Variants in INSRR observed in about 807,000 individuals in gnomAD.
The protein encoded by INSRR is insulin receptor related receptor.
INSRR carries 114 observed loss-of-function variants against 130.0 expected under a neutral mutation model. That is an observed-to-expected ratio of 0.88 (90% confidence interval 0.75 to 1.02). The LOEUF is 1.02. Ranked by LOEUF, INSRR falls within the 50% of genes least tolerant of loss-of-function variation. The pLI is 0.00. For missense variants in INSRR, 1,657 were observed against 1,735.2 expected (o/e 0.95, Z 0.80); for synonymous variants, 674 against 705.2 (o/e 0.96, Z 0.70).
Position 156,841,069 on chromosome 1 carries a change from G to C in INSRR, c.3698C>G (p.Pro1233Arg). Residue 1233 changes from proline (P) to arginine (R), a missense_variant, in exon 22 of 22, where the codon CCA becomes CGA. Pro to Arg is a moderately radical substitution (Grantham distance 103). Coordinates refer to ENST00000368195, the MANE Select transcript of INSRR (RefSeq NM_014215.3). The part of the protein sequence containing the change: ...ELMSRCWQPN[P>R]RLRPSFTHIL... The stretch of plus-strand genomic sequence containing the variant: ...GTGTGTGAAAGATGGGCGCAGGCGT[G>C]GGTTCGGCTGCCAGCAGCGGCTCAT... 1.9e-6 allele frequency: 3 copies of C among 1,573,158 alleles called. No homozygotes were observed. Among genetic ancestry groups the C allele is most frequent in the Non-Finnish European group, 2.6e-6 (3 of 1,158,902 alleles).
chr1:156,851,043 C>T (rs116448046), intron 5 of INSRR: 385 of 540,050 alleles, frequency 7.1e-4, no homozygotes, highest in African/African-American at 6.6e-3. Flanking sequence ...GTGTTCCAGG[C>T]ATTGTTTTAT....
chr1:156,852,066 G>A lies in INSRR; in HGVS notation c.763C>T (p.Gln255Ter). 1 of 1,613,652 alleles carries A rather than the reference G, an allele frequency of 6.2e-7. No individual in the cohort carries two copies. Reference protein sequence around the residue: ...ACVACRHLYFQGACLWACPPG... With the variant: ...ACVACRHLYF ...GGGCAGGCCCACAGGCAGGCACCCT[G>A]GAAGTAGAGGTGGCGGCAAGCTACA... Residue 255 changes from glutamine (Q) to a stop codon, truncating the protein, a stop_gained, in exon 3 of 22, where the codon CAG becomes TAG. Transcript: ENST00000368195. LOFTEE classifies it high-confidence loss of function.
In INSRR at chr1:156,841,596, G is replaced by A. The variant is rs1190474302; in HGVS notation, c.3528-68C>T. ...TACTCAGTGCATTCCAAGGGATGGGGGTGTTCCAGGCCCCTCCCCAGATCC... is the reference window on the plus strand; with the variant it reads ...TACTCAGTGCATTCCAAGGGATGGGAGTGTTCCAGGCCCCTCCCCAGATCC... On this transcript the variant is annotated intron_variant, in intron 20 of 21. Coordinates refer to ENST00000368195, the MANE Select transcript of INSRR (RefSeq NM_014215.3). The A allele has an allele frequency of 1.9e-6, 3 of 1,610,506 alleles. No homozygotes were observed. The East Asian group carries it at 6.7e-5, about 36-fold the overall frequency.
Position 156,858,646 on chromosome 1 carries a change from G to C in INSRR, c.-25C>G. The C allele has an allele frequency of 6.2e-7, 1 of 1,601,992 alleles. No homozygotes were observed. The highest frequency in any genetic ancestry group is 8.6e-7 in the Non-Finnish European group (1 of 1,168,976). On this transcript the variant is annotated 5_prime_UTR_variant, in exon 1 of 22. Coordinates refer to ENST00000368195, the MANE Select transcript of INSRR (RefSeq NM_014215.3). Reference sequence around the variant, plus strand: ...TTGTCCCAGCCCTGGCTTGTGTCCAGTCCCGGCTCTCCTCCCGGTGACTCT... The same window carrying C: ...TTGTCCCAGCCCTGGCTTGTGTCCACTCCCGGCTCTCCTCCCGGTGACTCT...
chr1:156,846,262 G>T, intron 8 of INSRR, 143 bp from the exon 9 acceptor site: 1 of 942,338 alleles, frequency 1.1e-6, no homozygotes, highest in Non-Finnish European at 1.5e-6. Flanking sequence ...CTAGAACTCA[G>T]TGTTTTGTTT....
intron 4 of INSRR, 56 bp downstream of exon 4, chr1:156,851,590 T>C: frequency 6.2e-7 from 1 of 1,612,904 alleles, no homozygotes; most frequent in Non-Finnish European, 8.5e-7. Context: ...AAGGGTTGTG[T>C]CTGGGAGGAA....
At chr1:156,857,815 A>G (rs1332679020) in intron 1 of INSRR, among the ~76,000 whole-genome samples, 1 of 152,000 alleles carries the variant, frequency 6.6e-6, no homozygotes, top group Non-Finnish European at 1.5e-5. Context: ...GGAAGGGGAT[A>G]CCTCCTAATC....
At chr1:156,846,241 C>A in intron 8 of INSRR, 122 bp from the exon 9 acceptor site, 1 of 1,054,412 alleles carries the variant, frequency 9.5e-7, no homozygotes. Flanking sequence ...GTGATCCTCA[C>A]CCCTGGCTTC....
chr1:156,849,212 C>A, intron 6 of INSRR, 34 bp downstream of exon 6: 1 of 1,609,952 alleles, frequency 6.2e-7, no homozygotes, highest in South Asian at 1.1e-5. Flanking sequence ...AGTGTGTGGC[C>A]GCGTGTCCAC....
rs763494025 is a variant in INSRR at position 156,852,090 on chromosome 1, C to G, written c.739G>C (p.Val247Leu). 1 of 1,613,736 alleles carries G rather than the reference C, an allele frequency of 6.2e-7. No individual in the cohort carries two copies. ...TGGAAGTAGAGGTGGCGGCAAGCTA[C>G]ACAGGCACGAGGGTCTTCTGGCTGG... is the stretch of plus-strand genomic sequence containing the variant. ...CSQPEDPRACVACRHLYFQGA... is the reference protein window; with the variant it reads ...CSQPEDPRACLACRHLYFQGA... The change falls in exon 3 of 22, where the codon GTA becomes CTA. Residue 247 changes from valine to leucine, a missense_variant. Val to Leu is a conservative substitution (Grantham distance 32, BLOSUM62 1). Coordinates refer to ENST00000368195, the MANE Select transcript of INSRR (RefSeq NM_014215.3).
At position 156,846,615 on chromosome 1, in the gene INSRR, C is replaced by A. The variant is rs373532258; in HGVS notation, c.1714G>T (p.Ala572Ser). 2 of 1,614,146 alleles carry A rather than the reference C, an allele frequency of 1.2e-6. No homozygotes were observed. The highest frequency in any genetic ancestry group is 2.2e-5 in the South Asian group (2 of 91,088). Reference sequence around the variant, plus strand: ...AGCGTGATGGCCCGCACAAACACTGCGTACTGTGTCCAAGGCTTGAGGGAG... The same window carrying A: ...AGCGTGATGGCCCGCACAAACACTGAGTACTGTGTCCAAGGCTTGAGGGAG... Reference protein sequence around the residue: ...LASLKPWTQYAVFVRAITLTT... With the variant: ...LASLKPWTQYSVFVRAITLTT... Residue 572 changes from alanine to serine, a missense_variant, in exon 8 of 22, where the codon GCA becomes TCA. Coordinates refer to ENST00000368195, the MANE Select transcript of INSRR (RefSeq NM_014215.3).
chr1:156,852,756 AGC>A (rs1281321337), intron 2 of INSRR, among the ~76,000 whole-genome samples: 4 of 152,142 alleles, frequency 2.6e-5, no homozygotes, highest in African/African-American at 9.7e-5. Flanking sequence ...TGGCTATGGG[AGC>A]GATCTGTGGG....
Position 156,845,952 on chromosome 1 carries a change from C to G in INSRR, c.1978G>C (p.Gly660Arg). 6.2e-7 allele frequency: 1 copy of G among 1,611,538 alleles called. No individual in the cohort carries two copies. Among genetic ancestry groups the G allele is most frequent in the Non-Finnish European group, 8.5e-7 (1 of 1,178,868 alleles). The part of the protein sequence containing the change: ...DLYLNDYCHR[G>R]LRLPTSNNDP... ...CGGCCTGCGCGTCGTCCCTGCGCAC[C>G]GCGGTGGCAGTAGTCATTGAGGTAG... The change falls in exon 9 of 22, where the codon GGC (glycine) becomes CGC (arginine). Residue 660 changes from glycine (G) to arginine (R), a missense_variant and splice_region_variant. Gly to Arg is a moderately radical substitution (Grantham distance 125). Transcript: ENST00000368195.
intron 1 of INSRR, among the ~76,000 whole-genome samples, chr1:156,856,356 C>T (rs949616566): frequency 1.3e-5 from 2 of 152,150 alleles, no homozygotes; most frequent in African/African-American, 4.8e-5. Context: ...TTGCAGGTCC[C>T]ATGTCTCTCC....
At chr1:156,850,534 C>CTTTTTTTTTT (rs35237064) in intron 5 of INSRR, among the ~76,000 whole-genome samples, 4 of 58,640 alleles carry the variant, frequency 6.8e-5, no homozygotes, top group Non-Finnish European at 1.1e-4. Context: ...TTAAAACATT[C>CTTTTTTTTTT]TTTTTTTTTT....
Position 156,841,030 on chromosome 1 carries a change from A to G in INSRR, c.3737T>C (p.Ile1246Thr). ...RPSFTHILDS[I>T]QEELRPSFRL... ...GAAGGAGGGCCGCAGCTCCTCCTGTATGCTGTCCAGAATGTGTGTGAAAGA... is the reference window on the plus strand; with the variant it reads ...GAAGGAGGGCCGCAGCTCCTCCTGTGTGCTGTCCAGAATGTGTGTGAAAGA... The change falls in exon 22 of 22, where the codon ATA (isoleucine) becomes ACA (threonine). Residue 1246 changes from isoleucine (I) to threonine (T), a missense_variant. Ile to Thr is a moderately conservative substitution (Grantham distance 89). Transcript: ENST00000368195. The G allele has an allele frequency of 1.2e-6, 2 of 1,603,158 alleles. No homozygotes were observed. The highest frequency in any genetic ancestry group is 1.7e-6 in the Non-Finnish European group (2 of 1,174,654).
In INSRR at chr1:156,841,080, C is replaced by T; in HGVS notation, c.3687G>A (p.Trp1229Ter). 1 of 1,565,856 alleles carries T rather than the reference C, an allele frequency of 6.4e-7. No homozygotes were observed. Among genetic ancestry groups the T allele is most frequent in the Admixed American group, 1.9e-5 (1 of 52,730 alleles). Residue 1229 changes from tryptophan (W) to a stop codon, truncating the protein, a stop_gained, in exon 22 of 22, where the codon TGG becomes TGA. Transcript: ENST00000368195. LOFTEE classifies it high-confidence loss of function. ...LQLQELMSRC[W>*]QPNPRLRPSF... ...ATGGGCGCAGGCGTGGGTTCGGCTG[C>T]CAGCAGCGGCTCATCAGCTCCTGCC...
At chr1:156,842,892 G>C in intron 17 of INSRR, 112 bp downstream of exon 17, 1 of 822,004 alleles carries the variant, frequency 1.2e-6, no homozygotes, top group African/African-American at 1.7e-5. Flanking sequence ...TCCTAACCAT[G>C]GTCCCAATCT....
In INSRR at chr1:156,854,216, A is replaced by G; in HGVS notation, c.173T>C (p.Leu58Pro). 2.5e-6 allele frequency: 4 copies of G among 1,614,060 alleles called. No homozygotes were observed. Among genetic ancestry groups the G allele is most frequent in the Non-Finnish European group, 3.4e-6 (4 of 1,180,024 alleles). ...CTCCCCGGTGGCTGTGAACATGAGC[A>G]GGATCTGCAGGTGGCCCTCCACCAC... ...CSVVEGHLQI[L>P]LMFTATGEDF... Residue 58 changes from leucine (L) to proline (P), a missense_variant, in exon 2 of 22, where the codon CTG becomes CCG. Leu to Pro is a moderately conservative substitution (Grantham distance 98). Coordinates refer to ENST00000368195, the MANE Select transcript of INSRR (RefSeq NM_014215.3). This position sits in a 1 kb window ranked among gnomAD's most constrained non-coding sequence, Gnocchi z 4.2.
Sources: allele counts gnomAD v4.1 joint callset (sites outside exome capture counted in the v4.1 genomes callset), GRCh38; gene constraint gnomAD v4.1.1; non-coding constraint Gnocchi (gnomAD v3.1); transcripts MANE v1.5; gene names NCBI Gene and HGNC (gene_info 2026-07-23, HGNC 2026-07-21).